The following RBM19 variants were observed in gnomAD, a reference collection of about 807,000 sequenced individuals.
RBM19 encodes RNA binding motif protein 19, also known as probable RNA-binding protein 19.
In RBM19, 94 loss-of-function variants were observed where a neutral mutation model predicts 116.8. The observed-to-expected ratio is 0.80, with a 90% confidence interval of 0.68 to 0.95. The LOEUF (loss-of-function observed/expected upper bound fraction) is 0.95, where lower values mean the gene tolerates loss of function less well. Among genes scored for constraint, RBM19 ranks in the 40% least tolerant of loss-of-function variants. The probability of loss-of-function intolerance (pLI) is 0.00; values close to 1 mark genes in which losing one functional copy is unlikely to be tolerated. For synonymous variants in RBM19, 475 were observed against 494.1 expected (o/e 0.96, Z 0.51); for missense variants, 1,161 against 1,220.7 (o/e 0.95, Z 0.73).
At chr12:113,868,670 T>C (rs1321512909) in intron 21 of RBM19, among the ~76,000 whole-genome samples, 1 of 152,184 alleles carries the variant, frequency 6.6e-6, no homozygotes, top group East Asian at 1.9e-4. Flanking sequence ...TGGTATTCCA[T>C]GGAATACAGC....
chr12:113,864,209 G>T (rs1424524579), intron 21 of RBM19, among the ~76,000 whole-genome samples: 4 of 152,152 alleles, frequency 2.6e-5, no homozygotes, highest in Admixed American at 6.5e-5. Context: ...TCACACGATT[G>T]GTCCACCTAT....
At chr12:113,833,361 T>G (rs1336315137) in intron 23 of RBM19, among the ~76,000 whole-genome samples, 1 of 150,292 alleles carries the variant, frequency 6.7e-6, no homozygotes, top group African/African-American at 2.4e-5. Context: ...GGATGGGACC[T>G]CTGCCCTCCA....
At chr12:113,875,208 C>T (rs748107031) in intron 21 of RBM19, among the ~76,000 whole-genome samples, 27 of 152,148 alleles carry the variant, frequency 1.8e-4, no homozygotes, top group African/African-American at 2.2e-4. Context: ...GGGAGGAGAA[C>T]GAATCACCCT....
At chr12:113,925,012 C>T (rs901096666) in intron 17 of RBM19, among the ~76,000 whole-genome samples, 1 of 152,186 alleles carries the variant, frequency 6.6e-6, no homozygotes. Flanking sequence ...AGACTGACTG[C>T]AGATCATGCA....
chr12:113,859,939 T>C (rs1001033015), intron 21 of RBM19, among the ~76,000 whole-genome samples: 1 of 152,190 alleles, frequency 6.6e-6, no homozygotes, highest in Non-Finnish European at 1.5e-5. Context: ...CGTGAAATGA[T>C]ATAAGCTAAA....
intron 2 of RBM19, among the ~76,000 whole-genome samples, chr12:113,960,994 A>G (rs767405131): frequency 3.9e-5 from 6 of 152,180 alleles, no homozygotes; most frequent in Non-Finnish European, 5.9e-5. Flanking sequence ...TCAACCAACC[A>G]CTGCCCCTGG....
chr12:113,936,524 C>T (rs1029126463), intron 16 of RBM19, among the ~76,000 whole-genome samples: 1 of 152,228 alleles, frequency 6.6e-6, no homozygotes, highest in East Asian at 1.9e-4. Flanking sequence ...AATGATACCC[C>T]TTTTCCCAGC....
Position 113,949,036 on chromosome 12 carries a change from C to T in RBM19, c.1073G>A (p.Gly358Asp), listed in dbSNP as rs1053214235. The T allele has an allele frequency of 6.2e-7, 1 of 1,611,828 alleles. No individual in the cohort carries two copies. The highest frequency in any genetic ancestry group is 1.3e-5 in the African/African-American group (1 of 74,870). The change falls in exon 10 of 24, where the codon GGT becomes GAT. Residue 358 changes from glycine to aspartate, a missense_variant and splice_region_variant. Physicochemically the swap from Gly to Asp is moderately conservative, Grantham distance 94. Transcript: ENST00000261741. ...CCTGAACACCTCGATGTAGCGCCCA[C>T]CTGCAATGAAGAGGAGTCAGGGCTC... The part of the protein sequence containing the change: ...QALKCNREYM[G>D]GRYIEVFREK...
chr12:113,856,283 C>T (rs965037858), intron 22 of RBM19, among the ~76,000 whole-genome samples: 4 of 152,204 alleles, frequency 2.6e-5, no homozygotes, highest in African/African-American at 9.7e-5. Flanking sequence ...CATCCACAGC[C>T]GGGCCTGGGT....
At chr12:113,914,841 T>C (rs939657455) in intron 21 of RBM19, 128 bp downstream of exon 21, 3 of 789,094 alleles carry the variant, frequency 3.8e-6, no homozygotes, top group African/African-American at 3.4e-5. Flanking sequence ...AGCCAAAAGA[T>C]GACCTTTGAA....
At chr12:113,921,142 T>C (rs1399907843) in intron 18 of RBM19, among the ~76,000 whole-genome samples, 2 of 152,206 alleles carry the variant, frequency 1.3e-5, no homozygotes, top group Non-Finnish European at 2.9e-5. Flanking sequence ...ACATTCAGTT[T>C]CCTGGGTTTC....
chr12:113,932,545 A>G (rs942559991), intron 16 of RBM19: 1 of 152,318 alleles, frequency 6.6e-6, no homozygotes, highest in African/African-American at 2.4e-5. Flanking sequence ...CAGGCGTCCG[A>G]GTCCACAGCT....
At chr12:113,871,813 G>A (rs1053792184) in intron 21 of RBM19, among the ~76,000 whole-genome samples, 6 of 151,836 alleles carry the variant, frequency 4.0e-5, no homozygotes, top group Admixed American at 2.0e-4. Context: ...AGTCTTTGCC[G>A]CCGCGCCGGC....
intron 19 of RBM19, among the ~76,000 whole-genome samples, chr12:113,919,770 G>A (rs761557002): frequency 1.3e-5 from 2 of 151,920 alleles, no homozygotes; most frequent in Non-Finnish European, 2.9e-5. Context: ...AACAGCTTTC[G>A]GTTCAGCCCT....
At chr12:113,853,801 G>A (rs868700770) in intron 22 of RBM19, among the ~76,000 whole-genome samples, 1 of 152,234 alleles carries the variant, frequency 6.6e-6, no homozygotes, top group Non-Finnish European at 1.5e-5. Context: ...GAGTGTGCTA[G>A]TGGGGGCAGC....
At chr12:113,938,890 G>C (rs182949464) in intron 15 of RBM19, among the ~76,000 whole-genome samples, 174 of 150,578 alleles carry the variant, frequency 1.2e-3, no homozygotes, top group African/African-American at 4.1e-3. Context: ...CTGACACCTT[G>C]ATTTCAGACT....
chr12:113,959,693 C>T (rs562596927), intron 4 of RBM19, among the ~76,000 whole-genome samples, 172 bp downstream of exon 4: 83 of 152,164 alleles, frequency 5.5e-4, no homozygotes, highest in African/African-American at 2.0e-3. Flanking sequence ...CCAGCCTCTT[C>T]CCTCTCCCAG....
rs753367729 is a variant in RBM19 at position 113,823,120 on chromosome 12, C to T, written c.*104G>A. 65 of 1,080,978 alleles carry T rather than the reference C, an allele frequency of 6.0e-5. No homozygotes were observed. The highest frequency in any genetic ancestry group is 3.0e-4 in the Middle Eastern group (1 of 3,288). 67.0% of individuals were successfully genotyped at this position (1,080,978 alleles called of 1,614,324 possible). On this transcript the variant is annotated 3_prime_UTR_variant, in exon 24 of 24. Coordinates refer to ENST00000261741, the MANE Select transcript of RBM19 (RefSeq NM_016196.4). ...ACCAGTGCAGGGTGGGGCCGCCTGC[C>T]GCTCCCCGCCCCGCCCCCCAGCCCA...
At chr12:113,937,268 G>A in intron 15 of RBM19, 132 bp from the exon 16 acceptor site, 2 of 1,122,796 alleles carry the variant, frequency 1.8e-6, no homozygotes, top group Non-Finnish European at 2.5e-6. Flanking sequence ...GAGCCGGAAG[G>A]AGCCCAGCCC....
Sources: allele counts gnomAD v4.1 joint callset (sites outside exome capture counted in the v4.1 genomes callset), GRCh38; gene constraint gnomAD v4.1.1; transcripts MANE v1.5; gene names NCBI Gene and HGNC (gene_info 2026-07-23, HGNC 2026-07-21).